RNF150: variants seen among roughly 807,000 people sequenced by gnomAD.
The protein encoded by RNF150 is ring finger protein 150.
In RNF150, 24 loss-of-function variants were observed where a neutral mutation model predicts 39.3. The ratio of observed to expected loss-of-function variants is 0.61; its 90% CI spans 0.44 to 0.86. The LOEUF is 0.86. RNF150 is among the 40% of genes least tolerant of loss of function. The pLI is 0.00. For missense variants in RNF150, 502 were observed against 587.8 expected (o/e 0.85, Z 1.51); for synonymous variants, 255 against 227.3 (o/e 1.12, Z -1.10).
chr4:141,169,612 A>G (rs1386053454), intron 1 of RNF150, among the ~76,000 whole-genome samples: 1 of 152,182 alleles, frequency 6.6e-6, no homozygotes, highest in Non-Finnish European at 1.5e-5. Context: ...TTAAGGAAGT[A>G]TGCCTGACAT....
At chr4:141,026,656 G>A (rs1161361284) in intron 1 of RNF150, among the ~76,000 whole-genome samples, 1 of 152,134 alleles carries the variant, frequency 6.6e-6, no homozygotes, top group Non-Finnish European at 1.5e-5. Context: ...GGGGTAATAT[G>A]GTATGTAGTA....
intron 5 of RNF150, among the ~76,000 whole-genome samples, chr4:140,918,988 A>C (rs1395870734): frequency 2.1e-3 from 317 of 152,016 alleles, no homozygotes; most frequent in African/African-American, 6.6e-3. Flanking sequence ...TTCAACAACC[A>C]TTCATGCTAA....
rs563957480 is a variant in RNF150, at chr4:140,915,880, C to T, written c.988-4526G>A. ...AGGAACCATCAGGCAGCAGCATTTG[C>T]GGTTCACCAATATCTGCTGTTCTGC... On this transcript the variant is annotated intron_variant, in intron 5 of 6. Transcript: ENST00000515673. Among the ~76,000 whole-genome samples, 38 of 152,288 alleles carry T rather than the reference C, an allele frequency of 2.5e-4. No individual in the cohort carries two copies. The South Asian group carries it at 6.2e-3, about 25-fold the overall frequency.
chr4:141,099,816 G>A (rs1262201808), intron 1 of RNF150, among the ~76,000 whole-genome samples: 1 of 151,872 alleles, frequency 6.6e-6, no homozygotes, highest in African/African-American at 2.4e-5. Flanking sequence ...TTAAGAACAA[G>A]GAACTCTAAA....
At chr4:141,061,161 GAT>G (rs1368227745) in intron 1 of RNF150, among the ~76,000 whole-genome samples, 1 of 151,440 alleles carries the variant, frequency 6.6e-6, no homozygotes. Context: ...AAAAAAAAAA[GAT>G]ATTAAAAACC....
At chr4:141,053,641 G>A (rs750626711) in intron 1 of RNF150, 59 of 1,204,146 alleles carry the variant, frequency 4.9e-5, no homozygotes, top group Middle Eastern at 4.1e-4. Flanking sequence ...TGAGTGAAGC[G>A]TGCATTTTAG....
chr4:140,967,741 C>G lies in RNF150; in HGVS notation c.617G>C (p.Arg206Pro). 6.2e-7 allele frequency: 1 copy of G among 1,613,502 alleles called. No homozygotes were observed. Among genetic ancestry groups the G allele is most frequent in the Non-Finnish European group, 8.5e-7 (1 of 1,179,646 alleles). Residue 206 changes from arginine to proline, a missense_variant, in exon 2 of 7, where the codon CGC becomes CCC. Transcript: ENST00000515673. ...GTRNLQKYVS[R>P]TSVVFVSISF... ...GATGGAGACAAACACAACCGAAGTG[C>G]GGCTCACATATTTCTGCAAGTTCCG...
intron 6 of RNF150, among the ~76,000 whole-genome samples, chr4:140,895,751 T>C (rs1338004590): frequency 1.3e-5 from 2 of 152,232 alleles, no homozygotes; most frequent in Admixed American, 1.3e-4. Flanking sequence ...CAAAGAATTC[T>C]TCCCTCAGTA....
Position 140,868,271 on chromosome 4 carries a change from ACTT to A in RNF150, c.1304_1306del (p.Glu435del). On this transcript the variant is annotated inframe_deletion, in exon 7 of 7. Transcript: ENST00000515673. ...TCTGGATTTGTCGTTTCAAGATTTC[ACTT>A]CTTCACAGTCCTGGTCAGTGGAAAG... 2 of 1,579,670 alleles carry A rather than the reference ACTT, an allele frequency of 1.3e-6. No homozygotes were observed. Among genetic ancestry groups the A allele is most frequent in the Non-Finnish European group, 1.7e-6 (2 of 1,148,932 alleles).
At chr4:140,947,579 G>A (rs142832244) in intron 4 of RNF150, 75 bp downstream of exon 4, 8 of 1,009,562 alleles carry the variant, frequency 7.9e-6, no homozygotes, top group Non-Finnish European at 1.1e-5. Context: ...TGCCCAGCAG[G>A]TCGGGGCCAG....
At chr4:141,070,477 A>G (rs1177911500) in intron 1 of RNF150, among the ~76,000 whole-genome samples, 1 of 147,760 alleles carries the variant, frequency 6.8e-6, no homozygotes, top group East Asian at 2.0e-4. Flanking sequence ...TTCGCAACCT[A>G]CTCATCTGAC....
chr4:140,915,756 G>A (rs1730795438), intron 5 of RNF150, among the ~76,000 whole-genome samples: 1 of 152,146 alleles, frequency 6.6e-6, no homozygotes, highest in African/African-American at 2.4e-5. Context: ...TCCTCAAGTG[G>A]GTCCCTGACC....
chr4:140,926,444 T>C (rs1731403045), intron 4 of RNF150, among the ~76,000 whole-genome samples: 1 of 152,192 alleles, frequency 6.6e-6, no homozygotes, highest in African/African-American at 2.4e-5. Context: ...CTTTAAAAAA[T>C]ATGCAGAATT....
chr4:141,032,295 T>C (rs2110829045), intron 1 of RNF150, among the ~76,000 whole-genome samples: 1 of 151,862 alleles, frequency 6.6e-6, no homozygotes, highest in East Asian at 1.9e-4. Context: ...TTGAGGGAAA[T>C]GGGATTATGT....
At chr4:140,981,119 T>C (rs924761433) in intron 1 of RNF150, among the ~76,000 whole-genome samples, 1 of 152,122 alleles carries the variant, frequency 6.6e-6, no homozygotes, top group African/African-American at 2.4e-5. Context: ...AATCCCCATA[T>C]AGTTTTCCCT....
rs1053989311 is a variant in RNF150, at chr4:141,206,643, T to C, written c.-6+6151A>G. On this transcript the variant is annotated intron_variant, in intron 1 of 7. Transcript: ENST00000420921. ...CCCTAATCCTGGAAACCTGTGACTGTGTTACATGACCTGGCAAAGGGACTT... is the reference window on the plus strand; with the variant it reads ...CCCTAATCCTGGAAACCTGTGACTGCGTTACATGACCTGGCAAAGGGACTT... Among the ~76,000 whole-genome samples, 7 of 151,960 alleles carry C rather than the reference T, an allele frequency of 4.6e-5. 1 individual carries two copies. The highest frequency in any genetic ancestry group is 1.3e-4 in the Admixed American group (2 of 15,250).
intron 1 of RNF150, among the ~76,000 whole-genome samples, chr4:141,073,065 G>A (rs1317500843): frequency 6.6e-6 from 1 of 151,974 alleles, no homozygotes; most frequent in East Asian, 1.9e-4. Flanking sequence ...ATTTAGTCAC[G>A]GCACCACGGC....
intron 1 of RNF150, among the ~76,000 whole-genome samples, chr4:141,097,134 A>G (rs1021258371): frequency 6.6e-6 from 1 of 152,200 alleles, no homozygotes; most frequent in Non-Finnish European, 1.5e-5. Context: ...AACAGACCAT[A>G]ATCTGCAGAC....
intron 6 of RNF150, among the ~76,000 whole-genome samples, chr4:140,907,163 A>G (rs1730412408): frequency 6.6e-6 from 1 of 152,074 alleles, no homozygotes; most frequent in South Asian, 2.1e-4. Context: ...TGAGCTTGAG[A>G]AGTTAAAGGC....
Sources: gnomAD v4.1 joint callset for allele counts (sites outside exome capture counted in the v4.1 genomes callset) on GRCh38, gnomAD v4.1.1 for gene constraint, MANE v1.5 for transcripts, NCBI Gene and HGNC (gene_info 2026-07-23, HGNC 2026-07-21) for gene names.